Variants in SNTG2 observed in about 807,000 individuals in gnomAD.
SNTG2 encodes the protein syntrophin gamma 2, also known as gamma-2-syntrophin.
In SNTG2, 74 loss-of-function variants were observed where a neutral mutation model predicts 70.9. The ratio of observed to expected loss-of-function variants is 1.04; its 90% CI spans 0.86 to 1.27. The LOEUF is 1.27. Ranked by LOEUF, SNTG2 falls within the 50% of genes most tolerant of loss-of-function variation. SNTG2 has a pLI of 0.00. For synonymous variants in SNTG2, 278 were observed against 273.8 expected, an observed-to-expected ratio of 1.02 and a Z score of -0.15; for missense variants, 717 against 690.7, an observed-to-expected ratio of 1.04 and a Z score of -0.43.
At chr2:986,496 G>A (rs527672665) in intron 1 of SNTG2, among the ~76,000 whole-genome samples, 3 of 152,200 alleles carry the variant, frequency 2.0e-5, no homozygotes, top group Non-Finnish European at 2.9e-5. Context: ...TGTGAATGAG[G>A]TTGTCATGGT....
At chr2:1,026,433 G>A (rs1012330471) in intron 1 of SNTG2, among the ~76,000 whole-genome samples, 6 of 152,106 alleles carry the variant, frequency 3.9e-5, no homozygotes, top group African/African-American at 1.4e-4. Flanking sequence ...ACCAGTACAG[G>A]GACTTAGCCC....
At chr2:1,181,989 T>C (rs1010870275) in intron 8 of SNTG2, among the ~76,000 whole-genome samples, 3 of 152,246 alleles carry the variant, frequency 2.0e-5, no homozygotes, top group Admixed American at 6.5e-5. Flanking sequence ...TGTTGCTGAA[T>C]CCATTGCTGC....
At chr2:1,144,035 C>T (rs2147784521) in intron 6 of SNTG2, among the ~76,000 whole-genome samples, 1 of 152,288 alleles carries the variant, frequency 6.6e-6, no homozygotes, top group Middle Eastern at 3.4e-3. Context: ...AGCTGTGGCT[C>T]TCAGGACACG....
chr2:986,222 C>G (rs2147972930), intron 1 of SNTG2, among the ~76,000 whole-genome samples: 1 of 152,236 alleles, frequency 6.6e-6, no homozygotes, highest in Non-Finnish European at 1.5e-5. Context: ...GCCGGGATGG[C>G]CCCTGTACTC....
At chr2:1,340,316 G>A (rs1660022692) in intron 16 of SNTG2, among the ~76,000 whole-genome samples, 1 of 152,168 alleles carries the variant, frequency 6.6e-6, no homozygotes. Flanking sequence ...GGTGGACTTG[G>A]CATTTGAATA....
intron 4 of SNTG2, among the ~76,000 whole-genome samples, chr2:1,110,088 A>G (rs1233961661): frequency 6.6e-6 from 1 of 152,120 alleles, no homozygotes; most frequent in Non-Finnish European, 1.5e-5. Context: ...CCAAATATAT[A>G]TACTACATTT....
At chr2:1,004,577 T>C (rs1384239643) in intron 1 of SNTG2, among the ~76,000 whole-genome samples, 4 of 152,198 alleles carry the variant, frequency 2.6e-5, no homozygotes, top group Admixed American at 1.3e-4. Flanking sequence ...CAATGTCACA[T>C]GTCAGGGAAT....
At chr2:1,070,001 C>T (rs950982329) in intron 1 of SNTG2, among the ~76,000 whole-genome samples, 2 of 152,050 alleles carry the variant, frequency 1.3e-5, no homozygotes, top group Non-Finnish European at 2.9e-5. Context: ...CATTTCAGAA[C>T]CCGCGGCCCC....
At chr2:1,223,849 A>G (rs916992313) in intron 9 of SNTG2, among the ~76,000 whole-genome samples, 7 of 148,336 alleles carry the variant, frequency 4.7e-5, no homozygotes, top group African/African-American at 1.8e-4. Context: ...CCTTAGTTCC[A>G]CAGATGGGTG....
At chr2:1,082,079 T>C (rs1664358490) in intron 1 of SNTG2, among the ~76,000 whole-genome samples, 1 of 152,072 alleles carries the variant, frequency 6.6e-6, no homozygotes, top group African/African-American at 2.4e-5. Context: ...GCTGAGGATG[T>C]TGGGAGGAGC....
intron 6 of SNTG2, among the ~76,000 whole-genome samples, chr2:1,148,465 G>A (rs554638689): frequency 6.6e-6 from 1 of 152,346 alleles, no homozygotes; most frequent in East Asian, 1.9e-4. Context: ...TGCTGCTGCT[G>A]TGTGTGTTTT....
chr2:956,216 TGCCCC>T (rs1288133937), intron 1 of SNTG2, among the ~76,000 whole-genome samples: 21 of 40,270 alleles, frequency 5.2e-4, no homozygotes, highest in South Asian at 1.0e-3. Flanking sequence ...CCCCTGCCCC[TGCCCC>T]GCCCCTGCCC....
At chr2:968,193 A>G (rs920338632) in intron 1 of SNTG2, among the ~76,000 whole-genome samples, 1 of 151,912 alleles carries the variant, frequency 6.6e-6, no homozygotes, top group Non-Finnish European at 1.5e-5. Context: ...TATTCACATT[A>G]TTCATTCTTG....
chr2:1,256,715 G>A (rs1273241333), intron 12 of SNTG2: 5 of 152,170 alleles, frequency 3.3e-5, no homozygotes, highest in Admixed American at 2.6e-4. Context: ...TGTAGGGAGA[G>A]GAAGGATATC....
chr2:1,172,166 C>G (rs937696178), intron 7 of SNTG2, among the ~76,000 whole-genome samples: 1 of 152,160 alleles, frequency 6.6e-6, no homozygotes, highest in African/African-American at 2.4e-5. Context: ...GGTGACAGGT[C>G]CTCCTGCTAG....
At chr2:1,188,929 A>G (rs1180163289) in intron 8 of SNTG2, among the ~76,000 whole-genome samples, 1 of 152,168 alleles carries the variant, frequency 6.6e-6, no homozygotes, top group African/African-American at 2.4e-5. Context: ...AGACAAAGAT[A>G]CCTACGTTAT....
chr2:1,087,214 G>C (rs534984451), intron 2 of SNTG2, among the ~76,000 whole-genome samples: 1 of 152,154 alleles, frequency 6.6e-6, no homozygotes, highest in Non-Finnish European at 1.5e-5. Flanking sequence ...CTGGTGATGC[G>C]CACCTGCTGT....
rs1674127604 is a variant in SNTG2 at position 1,212,738 on chromosome 2, C to T, written c.719+3508C>T. Among the ~76,000 whole-genome samples, 6 of 152,238 alleles carry T rather than the reference C, an allele frequency of 3.9e-5. 1 individual carries two copies. The highest frequency in any genetic ancestry group is 1.2e-4 in the African/African-American group (5 of 41,546). On this transcript the variant is annotated intron_variant, in intron 9 of 16. Transcript: ENST00000308624. Reference sequence around the variant, plus strand: ...AGATGCTGTTCTTAGCTCCACCTTACCTGTAAGCTCCTCAGGTCTCATTTT... The same window carrying T: ...AGATGCTGTTCTTAGCTCCACCTTATCTGTAAGCTCCTCAGGTCTCATTTT...
intron 4 of SNTG2, among the ~76,000 whole-genome samples, chr2:1,124,305 A>ATTTTTTT (rs763685919): frequency 1.7e-4 from 25 of 147,488 alleles, no homozygotes; most frequent in South Asian, 4.3e-4. Flanking sequence ...TCTTTTTTTA[A>ATTTTTTT]TTTTTCTCAG....
Sources: allele counts gnomAD v4.1 joint callset (sites outside exome capture counted in the v4.1 genomes callset), GRCh38; gene constraint gnomAD v4.1.1; transcripts MANE v1.5; gene names NCBI Gene and HGNC (gene_info 2026-07-23, HGNC 2026-07-21).